WWP2: variants seen among roughly 807,000 people sequenced by gnomAD.
WWP2 encodes NEDD4-like E3 ubiquitin-protein ligase WWP2.
In WWP2, 57 loss-of-function variants were observed where a neutral mutation model predicts 121.0. That is an observed-to-expected ratio of 0.47 (90% CI 0.38 to 0.59). The LOEUF is 0.59. Ranked by LOEUF, WWP2 falls within the 20% of genes least tolerant of loss-of-function variation. The pLI, the probability that WWP2 is intolerant of heterozygous loss-of-function variation, is 0.00. For synonymous variants in WWP2, 449 were observed against 441.3 expected (o/e 1.02, Z -0.22); for missense variants, 962 against 1,158.9 (o/e 0.83, Z 2.47).
At chr16:69,773,221 C>T (rs2055456958) in intron 1 of WWP2, among the ~76,000 whole-genome samples, 1 of 151,866 alleles carries the variant, frequency 6.6e-6, no homozygotes, top group Admixed American at 6.6e-5. Flanking sequence ...TGCTGTCGCT[C>T]AGGCTGGAGT....
At chr16:69,811,819 G>A (rs1363164900) in intron 4 of WWP2, among the ~76,000 whole-genome samples, 2 of 152,112 alleles carry the variant, frequency 1.3e-5, no homozygotes, top group Non-Finnish European at 2.9e-5. Context: ...CCTCAATGTC[G>A]TCCTTCACCC....
chr16:69,867,567 CAGTG>C (rs1264861891), intron 6 of WWP2, among the ~76,000 whole-genome samples: 29 of 152,160 alleles, frequency 1.9e-4, no homozygotes, highest in Non-Finnish European at 3.5e-4. Context: ...TGCCAAGTGT[CAGTG>C]AGCAGCTCTG....
intron 6 of WWP2, among the ~76,000 whole-genome samples, chr16:69,854,709 C>T (rs559176536): frequency 1.1e-4 from 17 of 152,200 alleles, no homozygotes; most frequent in African/African-American, 4.1e-4. Context: ...TGCCACCACG[C>T]CTGGATAATT....
At position 69,798,842 on chromosome 16, in the gene WWP2, C is replaced by G; in HGVS notation, c.218+13C>G. On this transcript the variant is annotated intron_variant, in intron 3 of 23. Coordinates refer to ENST00000359154, the MANE Select transcript of WWP2 (RefSeq NM_001270454.2). ...AGATCATCATTTTGTAAGAGAAAGCCCCTTCTTTTTGAACGCAGCAAGATG... is the reference window on the plus strand; with the variant it reads ...AGATCATCATTTTGTAAGAGAAAGCGCCTTCTTTTTGAACGCAGCAAGATG... 3 of 1,612,830 alleles carry G rather than the reference C, an allele frequency of 1.9e-6. No homozygotes were observed. Among genetic ancestry groups the G allele is most frequent in the South Asian group, 1.1e-5 (1 of 91,018 alleles).
intron 4 of WWP2, among the ~76,000 whole-genome samples, chr16:69,837,835 C>T (rs1043947691): frequency 2.0e-5 from 3 of 152,060 alleles, no homozygotes; most frequent in Non-Finnish European, 2.9e-5. Flanking sequence ...AGTTTGTCTG[C>T]GTGATGGGTC....
chr16:69,779,794 C>CTA, intron 1 of WWP2, among the ~76,000 whole-genome samples: 1 of 151,902 alleles, frequency 6.6e-6, no homozygotes, highest in African/African-American at 2.4e-5. Context: ...GTGCTTTAAC[C>CTA]CCTGTTAACT....
rs1407655630 is a variant in WWP2 at position 69,920,106 on chromosome 16, G to A, written c.1179+2223G>A. On this transcript the variant is annotated intron_variant, in intron 10 of 23. Transcript: ENST00000359154. ...CACCACACCCAGCTGATGGACCCCC[G>A]ACTTTTAATCATCAGCCATAAGTCA... Among the ~76,000 whole-genome samples, 4 of 152,070 alleles carry A rather than the reference G, an allele frequency of 2.6e-5. No homozygotes were observed. The East Asian group carries it at 5.8e-4, about 22-fold the overall frequency.
intron 7 of WWP2, among the ~76,000 whole-genome samples, chr16:69,884,871 G>A (rs925755117): frequency 6.6e-6 from 1 of 152,122 alleles, no homozygotes; most frequent in Non-Finnish European, 1.5e-5. Context: ...CTTTACAGAA[G>A]TATTGTAGCT....
chr16:69,774,363 C>A (rs772845306), intron 1 of WWP2, among the ~76,000 whole-genome samples: 8 of 151,996 alleles, frequency 5.3e-5, no homozygotes, highest in Non-Finnish European at 1.0e-4. Flanking sequence ...TCAAGCGATC[C>A]TCCCACCTCA....
At chr16:69,847,321 GC>G (rs1285577727) in intron 6 of WWP2, among the ~76,000 whole-genome samples, 1 of 151,940 alleles carries the variant, frequency 6.6e-6, no homozygotes, top group African/African-American at 2.4e-5. Context: ...CTGACTTCAG[GC>G]GATCCACGCA....
Position 69,894,465 on chromosome 16 carries a change from G to A in WWP2, c.914+6216G>A, listed in dbSNP as rs372056717. On this transcript the variant is annotated intron_variant, in intron 8 of 23. Coordinates refer to ENST00000359154, the MANE Select transcript of WWP2 (RefSeq NM_001270454.2). ...CTGCACGTTTTAAGAACTGAAGGCT[G>A]CTGAAACCTGGGCTGAAGATGTCCA... is the stretch of plus-strand genomic sequence containing the variant. Among the ~76,000 whole-genome samples, 3 of 152,196 alleles carry A rather than the reference G, an allele frequency of 2.0e-5. No homozygotes were observed. The East Asian group carries it at 5.8e-4, about 29-fold the overall frequency.
chr16:69,838,471 A>G (rs1021506080), intron 4 of WWP2, among the ~76,000 whole-genome samples: 3 of 151,832 alleles, frequency 2.0e-5, no homozygotes, highest in Non-Finnish European at 2.9e-5. Flanking sequence ...AAAGCCCACA[A>G]TAATCAACAC....
intron 4 of WWP2, among the ~76,000 whole-genome samples, chr16:69,820,547 T>C (rs1407066445): frequency 7.8e-6 from 1 of 127,754 alleles, no homozygotes; most frequent in East Asian, 2.3e-4. Context: ...CTTGGCCCCC[T>C]GTCTCTTAAA....
chr16:69,842,555 C>T (rs1349558994), intron 6 of WWP2, among the ~76,000 whole-genome samples: 2 of 152,238 alleles, frequency 1.3e-5, no homozygotes, highest in East Asian at 1.9e-4. Context: ...GTTTAGCTCC[C>T]ACTTATAAAT....
intron 7 of WWP2, among the ~76,000 whole-genome samples, chr16:69,873,243 A>T (rs1360209138): frequency 6.6e-6 from 1 of 152,232 alleles, no homozygotes; most frequent in Non-Finnish European, 1.5e-5. Flanking sequence ...GTTCCTTTGC[A>T]ATACCCTTCA....
At position 69,901,164 on chromosome 16, in the gene WWP2, CTT is replaced by C. The variant is rs10605057; in HGVS notation, c.915-7596_915-7595del. Among the ~76,000 whole-genome samples the C allele has an allele frequency of 6.0e-3, 912 of 152,250 alleles. 8 individuals are homozygous for C. The highest frequency in any genetic ancestry group is 0.021 in the African/African-American group (862 of 41,548). On this transcript the variant is annotated intron_variant, in intron 8 of 23. Coordinates refer to ENST00000359154, the MANE Select transcript of WWP2 (RefSeq NM_001270454.2). ...AAACATCCCTACAGAAGAAATAAAT[CTT>C]ATGGTTCTCCCCGGAAGTGGCCAAA...
intron 4 of WWP2, among the ~76,000 whole-genome samples, chr16:69,818,257 G>A (rs766441478): frequency 7.4e-4 from 112 of 151,208 alleles, no homozygotes; most frequent in Non-Finnish European, 1.3e-3. Flanking sequence ...GCCCAGACTG[G>A]AGTGCAGTGG....
intron 12 of WWP2, 104 bp from the exon 13 acceptor site, chr16:69,930,026 A>G: frequency 6.5e-7 from 1 of 1,541,578 alleles, no homozygotes; most frequent in Non-Finnish European, 8.8e-7. Flanking sequence ...AAAGTCCCTC[A>G]TGGGCTCTGC....
chr16:69,815,257 CCT>C (rs1407097478), intron 4 of WWP2, among the ~76,000 whole-genome samples: 1 of 152,110 alleles, frequency 6.6e-6, no homozygotes, highest in Non-Finnish European at 1.5e-5. Flanking sequence ...GCCATCTTGG[CCT>C]CCCAAAGTGC....
Sources: gnomAD v4.1 joint callset for allele counts (sites outside exome capture counted in the v4.1 genomes callset) on GRCh38, gnomAD v4.1.1 for gene constraint, MANE v1.5 for transcripts, NCBI Gene and HGNC (gene_info 2026-07-23, HGNC 2026-07-21) for gene names.